The following PLXDC2 variants were observed in gnomAD, a reference collection of about 807,000 sequenced individuals.
The protein encoded by PLXDC2 is plexin domain containing 2.
A neutral mutation model predicts 68.9 loss-of-function variants in PLXDC2; 40 were observed. The observed-to-expected ratio is 0.58, with a 90% CI of 0.45 to 0.76. The LOEUF is 0.76. Among genes scored for constraint, PLXDC2 ranks in the 30% least tolerant of loss-of-function variants. The pLI is 0.00. For missense variants in PLXDC2, 644 were observed against 661.9 expected, an observed-to-expected ratio of 0.97 and a Z score of 0.30; for synonymous variants, 243 against 234.2, an observed-to-expected ratio of 1.04 and a Z score of -0.34.
At chr10:20,184,409 T>C (rs1834651652) in intron 9 of PLXDC2, among the ~76,000 whole-genome samples, 1 of 149,252 alleles carries the variant, frequency 6.7e-6, no homozygotes, top group African/African-American at 2.4e-5. Context: ...ACAAACGATA[T>C]ATAGTTTTAC....
rs1170624235 is a variant in PLXDC2 at position 20,244,866 on chromosome 10, A to G, written c.1313-479A>G. On this transcript the variant is annotated intron_variant, in intron 12 of 13. Coordinates refer to ENST00000377252, the MANE Select transcript of PLXDC2 (RefSeq NM_032812.9). ...TGCGGTGGCTCACGCCTGTAATCCCAGCACTTTGGGAGGCTGAGGCAGGCG... is the reference window on the plus strand; with the variant it reads ...TGCGGTGGCTCACGCCTGTAATCCCGGCACTTTGGGAGGCTGAGGCAGGCG... Among the ~76,000 whole-genome samples, 7 of 152,224 alleles carry G rather than the reference A, an allele frequency of 4.6e-5. No individual in the cohort carries two copies. The East Asian group carries it at 1.2e-3, about 25-fold the overall frequency.
At chr10:20,143,445 T>C in intron 5 of PLXDC2, 28 bp downstream of exon 5, 1 of 1,609,440 alleles carries the variant, frequency 6.2e-7, no homozygotes, top group Non-Finnish European at 8.5e-7. Context: ...TATTTTTTGC[T>C]GCATGTATAT....
intron 12 of PLXDC2, among the ~76,000 whole-genome samples, chr10:20,219,710 T>C (rs1444389539): frequency 6.6e-6 from 1 of 152,190 alleles, no homozygotes; most frequent in Non-Finnish European, 1.5e-5. Flanking sequence ...AATAGATCTT[T>C]TTCCTTTTAA....
chr10:19,836,912 A>G (rs1422226402), intron 1 of PLXDC2, among the ~76,000 whole-genome samples: 2 of 152,190 alleles, frequency 1.3e-5, no homozygotes, highest in African/African-American at 2.4e-5. Context: ...TCCCTTGCAC[A>G]TATTAGGTAC....
intron 4 of PLXDC2, among the ~76,000 whole-genome samples, chr10:20,137,956 G>A (rs927328218): frequency 2.0e-5 from 3 of 152,168 alleles, no homozygotes; most frequent in South Asian, 4.1e-4. Context: ...TCCAGGGTTG[G>A]TACTTGCCTC....
chr10:19,873,082 T>C (rs1050701505), intron 1 of PLXDC2, among the ~76,000 whole-genome samples: 1 of 152,204 alleles, frequency 6.6e-6, no homozygotes, highest in African/African-American at 2.4e-5. Context: ...AACAAGGGTG[T>C]TCATGCTGTG....
rs1488536551 is a variant in PLXDC2 at position 20,143,323 on chromosome 10, T to G, written c.570T>G (p.His190Gln). 1 of 1,613,092 alleles carries G rather than the reference T, an allele frequency of 6.2e-7. No individual in the cohort carries two copies. The highest frequency in any genetic ancestry group is 8.5e-7 in the Non-Finnish European group (1 of 1,179,258). ...GGFIYTGEVVHRMLTATQYIA... is the reference protein window; with the variant it reads ...GGFIYTGEVVQRMLTATQYIA... ...TCATATACACTGGAGAAGTCGTACA[T>G]CGAATGCTAACAGCCACACAGTACA... The change falls in exon 5 of 14, where the codon CAT becomes CAG. Residue 190 changes from histidine (H) to glutamine (Q), a missense_variant. His to Gln is a conservative substitution (Grantham distance 24). This residue lies in a region of PLXDC2 where 113 missense variants were observed against 167.1 expected (regional missense o/e 0.68). Transcript: ENST00000377252.
In PLXDC2 at chr10:20,256,415, G is replaced by C. The variant is rs527321100; in HGVS notation, c.1473+10910G>C. The stretch of plus-strand genomic sequence containing the variant: ...CCCAAACTGCTGAGATTACAGGAGT[G>C]AGCCACCACACCAGGCCCCCCAAAC... On this transcript the variant is annotated intron_variant, in intron 13 of 13. Coordinates refer to ENST00000377252, the MANE Select transcript of PLXDC2 (RefSeq NM_032812.9). 2.0e-5 allele frequency among the ~76,000 whole-genome samples: 3 copies of C among 151,790 alleles called. No individual in the cohort carries two copies. In the East Asian group the frequency reaches 5.8e-4, roughly 29 times the overall value.
At chr10:20,091,517 A>T (rs1589624940) in intron 4 of PLXDC2, among the ~76,000 whole-genome samples, 1 of 152,208 alleles carries the variant, frequency 6.6e-6, no homozygotes, top group East Asian at 1.9e-4. Flanking sequence ...TTCTTCACAT[A>T]AGAGAGTAAG....
chr10:20,012,643 T>A (rs1209060778), intron 2 of PLXDC2, among the ~76,000 whole-genome samples: 1 of 152,112 alleles, frequency 6.6e-6, no homozygotes, highest in East Asian at 1.9e-4. Flanking sequence ...GGTCTCCTTA[T>A]AAAAATATTT....
At chr10:20,186,123 C>T (rs543605834) in intron 9 of PLXDC2, among the ~76,000 whole-genome samples, 2 of 151,988 alleles carry the variant, frequency 1.3e-5, no homozygotes, top group South Asian at 2.1e-4. Flanking sequence ...CTAATTTGGA[C>T]AAAATCCATT....
At chr10:20,036,575 TG>T (rs1835582785) in intron 2 of PLXDC2, among the ~76,000 whole-genome samples, 1 of 152,148 alleles carries the variant, frequency 6.6e-6, no homozygotes, top group Admixed American at 6.5e-5. Context: ...CTTTTACAAA[TG>T]GTGATTTTTT....
intron 2 of PLXDC2, among the ~76,000 whole-genome samples, chr10:20,005,160 G>A (rs573431857): frequency 7.2e-5 from 11 of 152,262 alleles, no homozygotes; most frequent in Admixed American, 4.6e-4. Context: ...TAGGCTTGAC[G>A]TTGCTCTTTC....
At chr10:19,910,166 TTTTA>T (rs1489543035) in intron 1 of PLXDC2, among the ~76,000 whole-genome samples, 2 of 69,682 alleles carry the variant, frequency 2.9e-5, no homozygotes, top group South Asian at 8.9e-4. Context: ...AATTGTACAC[TTTTA>T]TATATATATA....
At chr10:20,071,598 A>T (rs1356931047) in intron 4 of PLXDC2, among the ~76,000 whole-genome samples, 1 of 152,090 alleles carries the variant, frequency 6.6e-6, no homozygotes, top group Admixed American at 6.5e-5. Flanking sequence ...TTCTGCCATG[A>T]TTGTGAGGCC....
chr10:20,233,343 T>C (rs1449413177), intron 12 of PLXDC2, among the ~76,000 whole-genome samples: 1 of 144,308 alleles, frequency 6.9e-6, no homozygotes, highest in Non-Finnish European at 1.5e-5. Context: ...CTGGGCAACA[T>C]AGTGAGATCC....
intron 1 of PLXDC2, among the ~76,000 whole-genome samples, chr10:19,990,738 AG>A (rs1235561641): frequency 6.6e-6 from 1 of 152,192 alleles, no homozygotes; most frequent in Middle Eastern, 3.2e-3. Flanking sequence ...TTATGTAATC[AG>A]TGTAAATATA....
chr10:20,111,974 G>C (rs922185028), intron 4 of PLXDC2, among the ~76,000 whole-genome samples: 1 of 152,160 alleles, frequency 6.6e-6, no homozygotes, highest in East Asian at 1.9e-4. Context: ...TATTGAGGGG[G>C]AGACTCATGG....
chr10:20,188,592 G>T (rs954334822), intron 9 of PLXDC2, among the ~76,000 whole-genome samples: 1 of 151,548 alleles, frequency 6.6e-6, no homozygotes, highest in Non-Finnish European at 1.5e-5. Context: ...TGAGCTAAGG[G>T]GCCTGGAAGC....
Sources: allele counts gnomAD v4.1 joint callset (sites outside exome capture counted in the v4.1 genomes callset), GRCh38; gene constraint gnomAD v4.1.1; regional missense constraint gnomAD v4.1.1; transcripts MANE v1.5; gene names NCBI Gene and HGNC (gene_info 2026-07-23, HGNC 2026-07-21).